Variants in NRXN2 observed in about 807,000 individuals in gnomAD.
NRXN2 encodes neurexin 2.
NRXN2 carries 29 observed loss-of-function variants against 128.8 expected under a neutral mutation model. The observed-to-expected ratio is 0.23, with a 90% CI of 0.17 to 0.31. The LOEUF is 0.31. Ranked by LOEUF, NRXN2 falls within the 10% of genes least tolerant of loss-of-function variation. The pLI, the probability that NRXN2 is intolerant of heterozygous loss-of-function variation, is 1.00. For synonymous variants in NRXN2, 1,098 were observed against 1,075.2 expected (o/e 1.02, Z -0.41); for missense variants, 1,881 against 2,452.6 (o/e 0.77, Z 4.92).
chr11:64,622,757 G>A lies in NRXN2; in HGVS notation c.4169C>T (p.Thr1390Ile), dbSNP rs752946128. ...CCAGCCAGAGTGGGGCCTCACCTGG[G>A]TGGTGCTGTCCCTCAGTGTGGGGGA... Reference protein sequence around the residue: ...GRSPTLRDSTTQNTDDLLVAS... With the variant: ...GRSPTLRDSTIQNTDDLLVAS... The change falls in exon 21 of 23, where the codon ACC becomes ATC. Residue 1390 changes from threonine to isoleucine, a missense_variant. Thr to Ile is a moderately conservative substitution (Grantham distance 89). This residue lies in a region of NRXN2 where 108 missense variants were observed against 165.2 expected (regional missense o/e 0.65). Coordinates refer to ENST00000265459, the MANE Select transcript of NRXN2 (RefSeq NM_015080.4). This position sits in a 1 kb window ranked among gnomAD's most constrained non-coding sequence, Gnocchi z 4.3. 4.4e-6 allele frequency: 7 copies of A among 1,607,774 alleles called. No homozygotes were observed. Among genetic ancestry groups the A allele is most frequent in the Non-Finnish European group, 5.9e-6 (7 of 1,177,800 alleles).
chr11:64,686,916 G>A (rs1049155851), intron 5 of NRXN2, among the ~76,000 whole-genome samples: 2 of 152,236 alleles, frequency 1.3e-5, no homozygotes, highest in Non-Finnish European at 2.9e-5. Context: ...TAACAAGTGA[G>A]AAGACAATGA....
At chr11:64,640,068 C>T (rs1210172431) in intron 17 of NRXN2, among the ~76,000 whole-genome samples, 1 of 152,086 alleles carries the variant, frequency 6.6e-6, no homozygotes, top group Non-Finnish European at 1.5e-5. Flanking sequence ...AGGCTCCTCC[C>T]CCACACCTCC....
chr11:64,609,507 G>A (rs546352662), intron 22 of NRXN2, among the ~76,000 whole-genome samples: 14 of 152,288 alleles, frequency 9.2e-5, no homozygotes, highest in Admixed American at 6.5e-4. Flanking sequence ...GGAGTCCCTT[G>A]GGCAGAAACT....
At chr11:64,615,846 GTGTGTGTGTGTGTGTGTGTGTGTA>G (rs2041401253) in intron 22 of NRXN2, among the ~76,000 whole-genome samples, 1 of 104,708 alleles carries the variant, frequency 9.6e-6, no homozygotes, top group Admixed American at 1.2e-4. Context: ...GTGTGTGTGT[GTGTGTGTGTGTGTGTGTGTGTGTA>G]TGTGTATACC....
At chr11:64,664,569 G>C (rs1355542792) in intron 9 of NRXN2, among the ~76,000 whole-genome samples, 4 of 151,778 alleles carry the variant, frequency 2.6e-5, no homozygotes, top group African/African-American at 9.7e-5. Flanking sequence ...TGCAGGAAAG[G>C]GTAGTAAATT....
chr11:64,635,593 C>T lies in NRXN2; in HGVS notation c.3404-141G>A. On this transcript the variant is annotated intron_variant, in intron 17 of 22. Transcript: ENST00000265459. The surrounding 1 kb of genome is among the most constrained non-coding windows in gnomAD (Gnocchi z 4.8). ...CTGTGATACCCACAGCAGCCACCAG[C>T]CCTGCCACCCCAGGGAGAAGTTGGC... is the stretch of plus-strand genomic sequence containing the variant. 1.1e-6 allele frequency: 1 copy of T among 939,480 alleles called. No individual in the cohort carries two copies. The highest frequency in any genetic ancestry group is 1.4e-5 in the South Asian group (1 of 70,416). 58.2% of individuals were successfully genotyped at this position (939,480 alleles called of 1,614,324 possible).
chr11:64,708,842 A>G (rs2056600740), intron 2 of NRXN2, among the ~76,000 whole-genome samples: 1 of 152,222 alleles, frequency 6.6e-6, no homozygotes, highest in Admixed American at 6.5e-5. Context: ...TACTCACACT[A>G]AACAGATATA....
At chr11:64,679,050 T>C (rs780881353) in intron 6 of NRXN2, among the ~76,000 whole-genome samples, 7 of 152,028 alleles carry the variant, frequency 4.6e-5, no homozygotes, top group Non-Finnish European at 1.0e-4. Context: ...GGATAGCGTG[T>C]GGTAAGAGGA....
intron 3 of NRXN2, among the ~76,000 whole-genome samples, chr11:64,696,072 T>G (rs556280782): frequency 1.2e-4 from 18 of 145,930 alleles, no homozygotes; most frequent in Admixed American, 6.9e-4. Context: ...CTCTCCTTCC[T>G]CCATCTCTCT....
intron 7 of NRXN2, among the ~76,000 whole-genome samples, chr11:64,669,918 G>A (rs2050400706): frequency 6.6e-6 from 1 of 152,288 alleles, no homozygotes; most frequent in East Asian, 1.9e-4. Context: ...ACAGTCTAGA[G>A]ATTGGGGCCT....
chr11:64,663,375 C>CAA (rs1191987645), intron 9 of NRXN2, among the ~76,000 whole-genome samples: 8 of 105,400 alleles, frequency 7.6e-5, no homozygotes, highest in Admixed American at 1.0e-4. Context: ...AACTCTGACT[C>CAA]AAAAAAAAAA....
In NRXN2 at chr11:64,706,087, A is replaced by T. The variant is rs868719061; in HGVS notation, c.730+6883T>A. Among the ~76,000 whole-genome samples, 72 of 33,002 alleles carry T rather than the reference A, an allele frequency of 2.2e-3. 1 individual carries two copies. Among genetic ancestry groups the T allele is most frequent in the East Asian group, 0.021 (23 of 1,076 alleles). The allele number at this position is 33,002 out of a possible 152,430, so 21.7% of individuals were successfully genotyped here. A position where few individuals can be genotyped will look rare whatever the true frequency, so the allele number is the denominator to read the frequency against. ...TTTTATATATATATATAATATATATAATATATATTATATATATAAAGTATA... is the reference window on the plus strand; with the variant it reads ...TTTTATATATATATATAATATATATTATATATATTATATATATAAAGTATA... On this transcript the variant is annotated intron_variant, in intron 2 of 22. Coordinates refer to ENST00000265459, the MANE Select transcript of NRXN2 (RefSeq NM_015080.4).
chr11:64,708,604 C>T (rs903907807), intron 2 of NRXN2, among the ~76,000 whole-genome samples: 2 of 152,200 alleles, frequency 1.3e-5, no homozygotes, highest in Admixed American at 6.5e-5. Flanking sequence ...AATTTCCTAG[C>T]ATGGAGGTTC....
intron 9 of NRXN2, 85 bp from the exon 10 acceptor site, chr11:64,661,224 G>C (rs1161004540): frequency 6.9e-6 from 11 of 1,593,504 alleles, no homozygotes; most frequent in African/African-American, 1.3e-5. Context: ...CCCCCACCTT[G>C]TGTGGGCCCC....
intron 6 of NRXN2, among the ~76,000 whole-genome samples, chr11:64,681,097 CAAA>C (rs59532747): frequency 3.0e-5 from 2 of 66,666 alleles, no homozygotes. Flanking sequence ...ACTCTATCTC[CAAA>C]AAAAAAAAAA....
chr11:64,711,680 G>T (rs1341619871), intron 2 of NRXN2, among the ~76,000 whole-genome samples: 4 of 151,908 alleles, frequency 2.6e-5, no homozygotes, highest in African/African-American at 9.7e-5. Context: ...GTCCCACCTC[G>T]CCCTGTCCAG....
rs542651765 is a variant in NRXN2 at position 64,644,437 on chromosome 11, G to A, written c.3403+3782C>T. ...TCCATGGGGGGTCTAGAGGACACCT[G>A]CCCACTGAGTGTCCCATTTAGGACA... On this transcript the variant is annotated intron_variant, in intron 17 of 22. Coordinates refer to ENST00000265459, the MANE Select transcript of NRXN2 (RefSeq NM_015080.4). Among the ~76,000 whole-genome samples, 4 of 152,094 alleles carry A rather than the reference G, an allele frequency of 2.6e-5. No homozygotes were observed. The East Asian group carries it at 7.7e-4, about 29-fold the overall frequency.
intron 1 of NRXN2, among the ~76,000 whole-genome samples, chr11:64,719,332 G>A (rs1379011928): frequency 6.6e-6 from 1 of 152,200 alleles, no homozygotes; most frequent in Non-Finnish European, 1.5e-5. Context: ...GCAGAGCTGG[G>A]ATTCAGATTT....
intron 6 of NRXN2, among the ~76,000 whole-genome samples, chr11:64,683,471 T>G (rs1445738507): frequency 1.3e-5 from 2 of 151,808 alleles, no homozygotes; most frequent in Non-Finnish European, 2.9e-5. Context: ...AATACAGAAA[T>G]TAGCTGGGTG....
Sources: gnomAD v4.1 joint callset for allele counts (sites outside exome capture counted in the v4.1 genomes callset) on GRCh38, gnomAD v4.1.1 for gene constraint, gnomAD v4.1.1 regional missense constraint, Gnocchi (gnomAD v3.1) non-coding constraint, MANE v1.5 for transcripts, NCBI Gene and HGNC (gene_info 2026-07-23, HGNC 2026-07-21) for gene names.